Variants in TMED10 observed in about 807,000 individuals in gnomAD.
TMED10 encodes the protein transmembrane p24 trafficking protein 10.
Under a neutral mutation model 23.1 loss-of-function variants are expected in TMED10, and 7 were observed. The observed-to-expected ratio is 0.30, with a 90% CI of 0.17 to 0.57. The LOEUF (loss-of-function observed/expected upper bound fraction) is 0.57, where lower values mean the gene tolerates loss of function less well. Ranked by LOEUF, TMED10 falls within the 20% of genes least tolerant of loss-of-function variation. The pLI, the probability that TMED10 is intolerant of heterozygous loss-of-function variation, is 0.91. For synonymous variants in TMED10, 113 were observed against 106.9 expected (o/e 1.06, Z -0.35); for missense variants, 162 against 274.8 (o/e 0.59, Z 2.90).
At chr14:75,144,460 C>A (rs1895858811) in intron 3 of TMED10, among the ~76,000 whole-genome samples, 1 of 152,198 alleles carries the variant, frequency 6.6e-6, no homozygotes, top group African/African-American at 2.4e-5. Flanking sequence ...CACAGTATGA[C>A]AAGCATTCTG....
chr14:75,168,377 A>G (rs1040787205), intron 1 of TMED10, among the ~76,000 whole-genome samples: 1 of 152,240 alleles, frequency 6.6e-6, no homozygotes. Flanking sequence ...AATGAATGAA[A>G]GAATCACAAA....
chr14:75,142,403 A>G (rs753381016), intron 3 of TMED10, among the ~76,000 whole-genome samples: 1 of 152,184 alleles, frequency 6.6e-6, no homozygotes, highest in Non-Finnish European at 1.5e-5. Flanking sequence ...TGATCACAGC[A>G]TTTAAACTGC....
intron 3 of TMED10, among the ~76,000 whole-genome samples, chr14:75,141,984 A>G (rs1306978984): frequency 2.0e-5 from 3 of 152,222 alleles, no homozygotes; most frequent in African/African-American, 7.2e-5. Context: ...ACAGTACAAA[A>G]AGCTAAAAAA....
chr14:75,150,356 A>G (rs963540590), intron 2 of TMED10, among the ~76,000 whole-genome samples: 17 of 152,190 alleles, frequency 1.1e-4, no homozygotes, highest in African/African-American at 4.1e-4. Context: ...CTCATTGAAA[A>G]AGTTGTGAAA....
At chr14:75,138,473 C>T (rs955588768) in intron 3 of TMED10, among the ~76,000 whole-genome samples, 1 of 152,146 alleles carries the variant, frequency 6.6e-6, no homozygotes, top group African/African-American at 2.4e-5. Context: ...GGCCAAATGC[C>T]AGGTTTTGTC....
chr14:75,145,032 G>GT lies in TMED10; in HGVS notation c.411+2631dup, dbSNP rs559901339. On this transcript the variant is annotated intron_variant, in intron 3 of 4. Transcript: ENST00000303575. ...TGAAGAAAGGGCTGGTCTTCGGACT[G>GT]TGTCATAGCCATTCCTCCTCTACAT... Among the ~76,000 whole-genome samples, 21 of 152,348 alleles carry GT rather than the reference G, an allele frequency of 1.4e-4. No homozygotes were observed. In the East Asian group the frequency reaches 4.1e-3, roughly 29 times the overall value.
At chr14:75,149,378 T>C (rs1196842942) in intron 2 of TMED10, among the ~76,000 whole-genome samples, 2 of 152,240 alleles carry the variant, frequency 1.3e-5, no homozygotes, top group African/African-American at 4.8e-5. Flanking sequence ...GCCATGTTAT[T>C]GTGACACAGC....
intron 1 of TMED10, among the ~76,000 whole-genome samples, chr14:75,175,492 C>T (rs1896291872): frequency 6.6e-6 from 1 of 150,408 alleles, no homozygotes. Context: ...ATCGCAAGGA[C>T]AGAAAACCAA....
intron 3 of TMED10, among the ~76,000 whole-genome samples, chr14:75,141,295 G>A (rs1450099474): frequency 2.0e-5 from 3 of 152,192 alleles, no homozygotes; most frequent in African/African-American, 7.2e-5. Flanking sequence ...GTGCAGGCAT[G>A]TTTAGCAACT....
chr14:75,138,773 A>T (rs1895783563), intron 3 of TMED10, among the ~76,000 whole-genome samples: 1 of 151,130 alleles, frequency 6.6e-6, no homozygotes, highest in Admixed American at 6.6e-5. Context: ...TTAAAAAAAA[A>T]ATTACTTTAA....
chr14:75,165,535 C>T (rs1896149814), intron 1 of TMED10, among the ~76,000 whole-genome samples: 1 of 152,138 alleles, frequency 6.6e-6, no homozygotes, highest in African/African-American at 2.4e-5. Flanking sequence ...CTCAGAAACA[C>T]TTTCAAAAGG....
At chr14:75,174,686 C>A (rs1024946905) in intron 1 of TMED10, among the ~76,000 whole-genome samples, 4 of 152,166 alleles carry the variant, frequency 2.6e-5, no homozygotes, top group African/African-American at 9.7e-5. Context: ...TGTATTACCA[C>A]ACTACTGGGT....
At chr14:75,153,290 A>G (rs1000868542) in intron 1 of TMED10, among the ~76,000 whole-genome samples, 2 of 152,110 alleles carry the variant, frequency 1.3e-5, no homozygotes, top group Non-Finnish European at 2.9e-5. Flanking sequence ...ACAAAAACAA[A>G]AACAAAAAGG....
intron 1 of TMED10, among the ~76,000 whole-genome samples, chr14:75,161,029 G>T (rs1380835838): frequency 6.6e-6 from 1 of 152,064 alleles, no homozygotes; most frequent in Non-Finnish European, 1.5e-5. Flanking sequence ...AGGCGACAAA[G>T]CTAGACTCCA....
chr14:75,146,167 A>C (rs935293663), intron 3 of TMED10, among the ~76,000 whole-genome samples: 4 of 152,216 alleles, frequency 2.6e-5, no homozygotes. Flanking sequence ...TCTCTACCGG[A>C]AACTGTCTCC....
At chr14:75,174,196 G>A (rs957474636) in intron 1 of TMED10, among the ~76,000 whole-genome samples, 1 of 152,142 alleles carries the variant, frequency 6.6e-6, no homozygotes, top group African/African-American at 2.4e-5. Context: ...CTACCCTGAG[G>A]ATACTAACAG....
intron 3 of TMED10, chr14:75,139,022 G>T: frequency 1.2e-5 from 4 of 338,774 alleles, no homozygotes; most frequent in South Asian, 2.4e-5. Flanking sequence ...ATATTCTTTG[G>T]CTAAAAATTT....
In TMED10 at chr14:75,152,055, A is replaced by G; in HGVS notation, c.314T>C (p.Phe105Ser). The change falls in exon 2 of 5, where the codon TTT (phenylalanine) becomes TCT (serine). Residue 105 changes from phenylalanine (F) to serine (S), a missense_variant. Coordinates refer to ENST00000303575, the MANE Select transcript of TMED10 (RefSeq NM_006827.6). Reference sequence around the variant, plus strand: ...ACCCTTGCTCTCAAAACACACTTCAAACATGTCATAATCTTCAGTGGTAAA... The same window carrying G: ...ACCCTTGCTCTCAAAACACACTTCAGACATGTCATAATCTTCAGTGGTAAA... The part of the protein sequence containing the change: ...FAFTTEDYDM[F>S]EVCFESKGTG... The G allele has an allele frequency of 6.2e-7, 1 of 1,614,004 alleles. No individual in the cohort carries two copies. Among genetic ancestry groups the G allele is most frequent in the Non-Finnish European group, 8.5e-7 (1 of 1,179,936 alleles).
At chr14:75,171,349 G>A (rs1013200217) in intron 1 of TMED10, among the ~76,000 whole-genome samples, 1 of 151,014 alleles carries the variant, frequency 6.6e-6, no homozygotes, top group Non-Finnish European at 1.5e-5. Flanking sequence ...GCACGATCTC[G>A]GCTCACTACA....
Sources: gnomAD v4.1 joint callset for allele counts (sites outside exome capture counted in the v4.1 genomes callset) on GRCh38, gnomAD v4.1.1 for gene constraint, MANE v1.5 for transcripts, NCBI Gene and HGNC (gene_info 2026-07-23, HGNC 2026-07-21) for gene names.